The following BICDL1 variants were observed in gnomAD, a reference collection of about 807,000 sequenced individuals.
BICDL1 encodes the protein BICD family-like cargo adapter 1.
BICDL1 carries 20 observed loss-of-function variants against 76.8 expected under a neutral mutation model. The observed-to-expected ratio is 0.26, with a 90% confidence interval of 0.18 to 0.38. The LOEUF is 0.38. Among genes scored for constraint, BICDL1 ranks in the 10% least tolerant of loss-of-function variants. The pLI, the probability that BICDL1 is intolerant of heterozygous loss-of-function variation, is 1.00. For missense variants in BICDL1, 700 were observed against 798.6 expected (o/e 0.88, Z 1.49); for synonymous variants, 383 against 337.1 (o/e 1.14, Z -1.49).
intron 2 of BICDL1, among the ~76,000 whole-genome samples, chr12:120,056,703 C>T (rs1263299911): frequency 2.0e-5 from 3 of 150,346 alleles, no homozygotes; most frequent in East Asian, 2.0e-4. Context: ...GGTGACAGAG[C>T]GAGACTCCGT....
chr12:120,047,545 G>C (rs1952772364), intron 2 of BICDL1, among the ~76,000 whole-genome samples: 1 of 152,094 alleles, frequency 6.6e-6, no homozygotes, highest in African/African-American at 2.4e-5. Context: ...TTGAGCTAAA[G>C]CCAATATTCT....
intron 2 of BICDL1, 85 bp from the exon 3 acceptor site, chr12:120,061,625 G>C: frequency 1.1e-6 from 1 of 915,530 alleles, no homozygotes; most frequent in Non-Finnish European, 1.8e-6. Flanking sequence ...AGTGCAAAGA[G>C]ATGCTTGATA....
rs915848045 is a variant in BICDL1, at chr12:120,055,725, TACAA to T, written c.646-5975_646-5972del. On this transcript the variant is annotated intron_variant, in intron 2 of 9. Transcript: ENST00000548673. The stretch of plus-strand genomic sequence containing the variant: ...TTTGAAGATATTAGAAATAAGTATC[TACAA>T]ACAAACAAAAAATAAGTATCTAAAG... 3.0e-4 allele frequency among the ~76,000 whole-genome samples: 45 copies of T among 152,332 alleles called. No homozygotes were observed. The East Asian group carries it at 5.4e-3, about 18-fold the overall frequency.
intron 2 of BICDL1, among the ~76,000 whole-genome samples, chr12:120,041,236 G>A (rs1952636578): frequency 6.6e-6 from 1 of 152,096 alleles, no homozygotes; most frequent in Non-Finnish European, 1.5e-5. Flanking sequence ...TTAGGGGCAA[G>A]GGCCAAAAAT....
intron 3 of BICDL1, 69 bp from the exon 4 acceptor site, chr12:120,064,664 A>G: frequency 6.8e-7 from 1 of 1,476,354 alleles, no homozygotes; most frequent in East Asian, 2.4e-5. Context: ...TTTTGGGGCT[A>G]GTCCCTAGTT....
At chr12:120,003,170 A>C (rs968291972) in intron 2 of BICDL1, among the ~76,000 whole-genome samples, 40 of 151,636 alleles carry the variant, frequency 2.6e-4, no homozygotes, top group African/African-American at 9.4e-4. Flanking sequence ...AAAAAAAAAA[A>C]AAAAAACAGT....
At chr12:120,029,475 A>G (rs961227760) in intron 2 of BICDL1, among the ~76,000 whole-genome samples, 1 of 152,338 alleles carries the variant, frequency 6.6e-6, no homozygotes. Flanking sequence ...AAGTATTTAC[A>G]GCAGCTTTCT....
rs114604778 is a variant in BICDL1 at position 120,003,958 on chromosome 12, C to T, written c.645+5222C>T. 6.1e-3 allele frequency among the ~76,000 whole-genome samples: 934 copies of T among 152,234 alleles called. 7 individuals carry two copies. Among genetic ancestry groups the T allele is most frequent in the African/African-American group, 0.021 (889 of 41,544 alleles). On this transcript the variant is annotated intron_variant, in intron 2 of 9. Transcript: ENST00000548673. ...GAGCGTACACTAGACAAAAGAACTC[C>T]CTGTCTGCAACTCTGTGTCATCTCA... is the stretch of plus-strand genomic sequence containing the variant.
intron 4 of BICDL1, among the ~76,000 whole-genome samples, chr12:120,070,304 A>G (rs960729098): frequency 1.3e-5 from 2 of 152,206 alleles, no homozygotes; most frequent in Non-Finnish European, 2.9e-5. Flanking sequence ...ATCTTGGGTG[A>G]GACTCTAATG....
At chr12:120,001,797 C>A (rs1199908248) in intron 2 of BICDL1, among the ~76,000 whole-genome samples, 1 of 152,072 alleles carries the variant, frequency 6.6e-6, no homozygotes, top group Non-Finnish European at 1.5e-5. Context: ...TGTCTGTAAT[C>A]CCAGCACTTT....
chr12:120,065,043 C>A (rs1953190178), intron 4 of BICDL1, among the ~76,000 whole-genome samples, 164 bp downstream of exon 4: 1 of 152,218 alleles, frequency 6.6e-6, no homozygotes, highest in Admixed American at 6.5e-5. Flanking sequence ...CTTGGCTCTT[C>A]CGACTCTGCC....
intron 4 of BICDL1, 48 bp downstream of exon 4, chr12:120,064,927 G>C: frequency 6.5e-7 from 1 of 1,546,280 alleles, no homozygotes. Context: ...CAGATAAAAG[G>C]AGCACTTAGC....
Position 120,008,227 on chromosome 12 carries a change from T to C in BICDL1, c.645+9491T>C, listed in dbSNP as rs1332779532. ...AAGCTGGAGTGCAGCAGCGCCATCA[T>C]GGCTCACTATAGCCTTGACCTCCTG... On this transcript the variant is annotated intron_variant, in intron 2 of 9. Transcript: ENST00000548673. Among the ~76,000 whole-genome samples the C allele has an allele frequency of 4.9e-5, 7 of 142,406 alleles. No homozygotes were observed. The East Asian group carries it at 1.3e-3, about 27-fold the overall frequency. 93.4% of individuals were successfully genotyped at this position (142,406 alleles called of 152,430 possible). A position where few individuals can be genotyped will look rare whatever the true frequency, so the allele number is the denominator to read the frequency against.
At chr12:120,036,580 A>G (rs1015402233) in intron 2 of BICDL1, among the ~76,000 whole-genome samples, 34 of 152,156 alleles carry the variant, frequency 2.2e-4, no homozygotes, top group Admixed American at 1.8e-3. Context: ...GCTTAGAACT[A>G]TTGGTGAATC....
chr12:120,061,242 A>G (rs1192809548), intron 2 of BICDL1, among the ~76,000 whole-genome samples: 3 of 152,242 alleles, frequency 2.0e-5, no homozygotes, highest in African/African-American at 7.2e-5. Flanking sequence ...AATTTCAAAT[A>G]GTGTCCATGT....
chr12:120,042,711 A>T (rs1453673605), intron 2 of BICDL1, among the ~76,000 whole-genome samples: 2 of 151,782 alleles, frequency 1.3e-5, no homozygotes, highest in African/African-American at 4.8e-5. Context: ...AGACTGAGGC[A>T]GGAGAATCAT....
Position 119,989,830 on chromosome 12 carries a change from G to A in BICDL1, c.-39G>A. The A allele has an allele frequency of 8.6e-7, 1 of 1,160,758 alleles. No homozygotes were observed. The highest frequency in any genetic ancestry group is 1.1e-6 in the Non-Finnish European group (1 of 940,960). The allele number at this position is 1,160,758 out of a possible 1,614,324, so 71.9% of individuals were successfully genotyped here. A position where few individuals can be genotyped will look rare whatever the true frequency, so the allele number is the denominator to read the frequency against. On this transcript the variant is annotated 5_prime_UTR_variant, in exon 1 of 10. Coordinates refer to ENST00000548673, the MANE Select transcript of BICDL1 (RefSeq NM_001367886.1). Reference sequence around the variant, plus strand: ...TCCCCCCTGCAGCCTGGCGCGCGCGGGCCGGGCCGCACCGCTGCGGGCTCC... The same window carrying A: ...TCCCCCCTGCAGCCTGGCGCGCGCGAGCCGGGCCGCACCGCTGCGGGCTCC...
At chr12:120,091,156 G>A in intron 9 of BICDL1, 1 of 1,210,108 alleles carries the variant, frequency 8.3e-7, no homozygotes, top group South Asian at 1.5e-5. Context: ...ATGCCCTCAA[G>A]TCCCAGCTCC....
chr12:119,998,832 G>A, intron 2 of BICDL1, 96 bp downstream of exon 2: 1 of 1,213,876 alleles, frequency 8.2e-7, no homozygotes, highest in Non-Finnish European at 1.2e-6. Flanking sequence ...ATTTCGGGAG[G>A]CCAAGGTGGG....
Sources: allele counts gnomAD v4.1 joint callset (sites outside exome capture counted in the v4.1 genomes callset), GRCh38; gene constraint gnomAD v4.1.1; transcripts MANE v1.5; gene names NCBI Gene and HGNC (gene_info 2026-07-23, HGNC 2026-07-21).